CFAP43: variants seen among roughly 807,000 people sequenced by gnomAD.
CFAP43 encodes cilia and flagella associated protein 43.
In CFAP43, 155 loss-of-function variants were observed where a neutral mutation model predicts 218.9. The observed-to-expected ratio is 0.71, with a 90% confidence interval of 0.62 to 0.81. The LOEUF (loss-of-function observed/expected upper bound fraction) is 0.81. Ranked by LOEUF, CFAP43 falls within the 30% of genes least tolerant of loss-of-function variation. The pLI is 0.00. For missense variants in CFAP43, 1,778 were observed against 1,954.3 expected (o/e 0.91, Z 1.70); for synonymous variants, 645 against 681.3 (o/e 0.95, Z 0.83).
At chr10:104,226,262 C>G (rs1029230750) in intron 2 of CFAP43, among the ~76,000 whole-genome samples, 1 of 152,166 alleles carries the variant, frequency 6.6e-6, no homozygotes, top group Non-Finnish European at 1.5e-5. Flanking sequence ...GTTTGTGTCT[C>G]TATTGCTTGT....
intron 11 of CFAP43, 69 bp from the exon 12 acceptor site, chr10:104,192,371 G>T: frequency 8.6e-7 from 1 of 1,158,034 alleles, no homozygotes; most frequent in Non-Finnish European, 1.3e-6. Context: ...CAAGTTTATT[G>T]AATGGCCACA....
intron 27 of CFAP43, among the ~76,000 whole-genome samples, chr10:104,157,841 T>G (rs1351505126): frequency 6.0e-5 from 9 of 148,796 alleles, no homozygotes; most frequent in African/African-American, 2.2e-4. Flanking sequence ...AAAGAACACA[T>G]CTGGTATCCA....
At chr10:104,170,974 T>C (rs985707181) in intron 20 of CFAP43, among the ~76,000 whole-genome samples, 5 of 152,192 alleles carry the variant, frequency 3.3e-5, no homozygotes, top group African/African-American at 1.2e-4. Context: ...GCCTTTGCTC[T>C]TGCTGCTCCC....
chr10:104,146,090 A>T (rs187701439), intron 30 of CFAP43, among the ~76,000 whole-genome samples, 173 bp downstream of exon 30: 13 of 152,264 alleles, frequency 8.5e-5, no homozygotes, highest in Admixed American at 5.2e-4. Context: ...AATTCATTTT[A>T]CACATGGATT....
At chr10:104,203,514 T>C in intron 8 of CFAP43, 158 bp downstream of exon 8, 1 of 584,720 alleles carries the variant, frequency 1.7e-6, no homozygotes, top group Non-Finnish European at 2.7e-6. Flanking sequence ...CTCTTTGTAA[T>C]TTAGGCCTTT....
At chr10:104,163,307 C>T (rs959460821) in intron 24 of CFAP43, among the ~76,000 whole-genome samples, 1 of 152,200 alleles carries the variant, frequency 6.6e-6, no homozygotes. Flanking sequence ...TTCAATCCAT[C>T]TAGGGCACCA....
intron 20 of CFAP43, among the ~76,000 whole-genome samples, chr10:104,170,367 G>T (rs1428474075): frequency 6.6e-6 from 1 of 152,122 alleles, no homozygotes; most frequent in Non-Finnish European, 1.5e-5. Flanking sequence ...GGGTAGGTAG[G>T]ATGAGTTTGG....
At chr10:104,198,069 T>C (rs2090428178) in intron 8 of CFAP43, 31 bp from the exon 9 acceptor site, 3 of 1,305,862 alleles carry the variant, frequency 2.3e-6, no homozygotes, top group Non-Finnish European at 2.2e-6. Context: ...AAGAAACACA[T>C]TGTAATTGTT....
chr10:104,212,358 G>A (rs1218279242), intron 4 of CFAP43, among the ~76,000 whole-genome samples: 2 of 152,176 alleles, frequency 1.3e-5, no homozygotes, highest in Non-Finnish European at 2.9e-5. Context: ...TAAGTACTGA[G>A]GGATTATAAA....
rs190017551 is a variant in CFAP43, at chr10:104,181,580, G to C, written c.2289+786C>G. Among the ~76,000 whole-genome samples, 410 of 152,118 alleles carry C rather than the reference G, an allele frequency of 2.7e-3. 1 individual carries two copies. The highest frequency in any genetic ancestry group is 0.017 in the Middle Eastern group (5 of 294). Reference sequence around the variant, plus strand: ...AGTTTACAAAGCCCTTCGTTACCTGGTCTCCTCCCACTTTGAAGACCTCAC... The same window carrying C: ...AGTTTACAAAGCCCTTCGTTACCTGCTCTCCTCCCACTTTGAAGACCTCAC... On this transcript the variant is annotated intron_variant, in intron 17 of 37. Coordinates refer to ENST00000357060, the MANE Select transcript of CFAP43 (RefSeq NM_025145.7).
intron 3 of CFAP43, among the ~76,000 whole-genome samples, chr10:104,223,339 A>G (rs1217195620): frequency 6.6e-6 from 1 of 152,258 alleles, no homozygotes; most frequent in Admixed American, 6.5e-5. Flanking sequence ...AACAATCATC[A>G]TTTTTGAAAC....
At chr10:104,157,773 TGTGAGAGAGAGAGAGAGAGA>T (rs1474037143) in intron 27 of CFAP43, among the ~76,000 whole-genome samples, 4 of 98,108 alleles carry the variant, frequency 4.1e-5, no homozygotes, top group Non-Finnish European at 8.4e-5. Flanking sequence ...TGTGTGTGTG[TGTGAGAGAGAGAGAGAGAGA>T]GAGAGAGAGA....
chr10:104,192,633 T>C (rs2090264221), intron 11 of CFAP43: 1 of 258,276 alleles, frequency 3.9e-6, no homozygotes, highest in Non-Finnish European at 7.3e-6. Flanking sequence ...ATTCTCAAAT[T>C]AGTGGTGGGT....
At chr10:104,158,330 A>G (rs748225398) in intron 27 of CFAP43, among the ~76,000 whole-genome samples, 10 of 152,298 alleles carry the variant, frequency 6.6e-5, no homozygotes, top group South Asian at 4.1e-4. Context: ...AAATCTGGAG[A>G]AACCTTCTTT....
intron 37 of CFAP43, 84 bp from the exon 38 acceptor site, chr10:104,130,389 A>G (rs558686856): frequency 1.3e-6 from 2 of 1,492,940 alleles, no homozygotes; most frequent in East Asian, 2.3e-5. Context: ...TACATGTGGA[A>G]GAAATGCTGG....
chr10:104,191,918 A>G (rs1453941264), intron 12 of CFAP43, among the ~76,000 whole-genome samples: 2 of 152,138 alleles, frequency 1.3e-5, no homozygotes, highest in African/African-American at 4.8e-5. Flanking sequence ...CTGTATGTTA[A>G]TATTAGAAAT....
At chr10:104,142,461 T>C (rs2087752419) in intron 32 of CFAP43, 68 bp from the exon 33 acceptor site, 1 of 1,202,316 alleles carries the variant, frequency 8.3e-7, no homozygotes, top group African/African-American at 1.6e-5. Context: ...ATACATCTTT[T>C]AACTTTTTAA....
chr10:104,141,920 A>C (rs570232876), intron 33 of CFAP43, among the ~76,000 whole-genome samples: 16 of 152,334 alleles, frequency 1.1e-4, no homozygotes, highest in South Asian at 2.1e-4. Flanking sequence ...GCGTGTCTAC[A>C]TGGAAAGTTC....
At chr10:104,225,166 GT>G (rs368367674) in intron 3 of CFAP43, among the ~76,000 whole-genome samples, 6 of 151,650 alleles carry the variant, frequency 4.0e-5, no homozygotes, top group South Asian at 2.1e-4. Context: ...GATGCCATTT[GT>G]TTTTTTTAAG....
Sources: gnomAD v4.1 joint callset for allele counts (sites outside exome capture counted in the v4.1 genomes callset) on GRCh38, gnomAD v4.1.1 for gene constraint, MANE v1.5 for transcripts, NCBI Gene and HGNC (gene_info 2026-07-23, HGNC 2026-07-21) for gene names.